Variants in C6orf89 observed in about 807,000 individuals in gnomAD.
C6orf89 encodes the protein chromosome 6 open reading frame 89.
C6orf89 carries 29 observed loss-of-function variants against 40.7 expected under a neutral mutation model. That is an observed-to-expected ratio of 0.71 (90% CI 0.53 to 0.97). The LOEUF (loss-of-function observed/expected upper bound fraction) is 0.97. Among genes scored for constraint, C6orf89 ranks in the 50% least tolerant of loss-of-function variants. The pLI, the probability that C6orf89 is intolerant of heterozygous loss-of-function variation, is 0.00. For missense variants in C6orf89, 392 were observed against 429.1 expected, an observed-to-expected ratio of 0.91 and a Z score of 0.76; for synonymous variants, 165 against 152.2, an observed-to-expected ratio of 1.08 and a Z score of -0.62.
At chr6:36,875,543 G>C (rs1049564865) in intron 1 of C6orf89, among the ~76,000 whole-genome samples, 1 of 152,274 alleles carries the variant, frequency 6.6e-6, no homozygotes, top group African/African-American at 2.4e-5. Flanking sequence ...TGTTAGGAGG[G>C]TTTGCGCAGG....
intron 4 of C6orf89, among the ~76,000 whole-genome samples, chr6:36,909,782 C>CAA (rs34739520): frequency 4.4e-5 from 4 of 91,086 alleles, no homozygotes; most frequent in South Asian, 3.4e-4. Context: ...GAGCCTGTCT[C>CAA]AAAAAAAAAA....
In C6orf89 at chr6:36,910,659, T is replaced by A. The variant is rs1422673094; in HGVS notation, c.404-3625T>A. Among the ~76,000 whole-genome samples, 3 of 150,772 alleles carry A rather than the reference T, an allele frequency of 2.0e-5. No homozygotes were observed. In the South Asian group the frequency reaches 6.3e-4, roughly 32 times the overall value. On this transcript the variant is annotated intron_variant, in intron 4 of 8. Coordinates refer to ENST00000480824, the MANE Select transcript of C6orf89 (RefSeq NM_001286635.2). The stretch of plus-strand genomic sequence containing the variant: ...GGGAGGATGACTTGAGCCTGGAAGG[T>A]CAAGGCGACAGTGAGCTGAGATGTG...
chr6:36,923,300 C>G, intron 8 of C6orf89, 47 bp from the exon 9 acceptor site: 2 of 1,482,340 alleles, frequency 1.3e-6, no homozygotes. Flanking sequence ...ACAGGTGTGC[C>G]CACCCTCTGA....
intron 2 of C6orf89, among the ~76,000 whole-genome samples, chr6:36,895,709 C>G (rs1761399024): frequency 1.3e-5 from 2 of 152,180 alleles, no homozygotes; most frequent in Admixed American, 1.3e-4. Flanking sequence ...AGTGATTTTG[C>G]ATTATATGGC....
At chr6:36,912,446 T>C (rs1261752351) in intron 4 of C6orf89, among the ~76,000 whole-genome samples, 2 of 152,364 alleles carry the variant, frequency 1.3e-5, no homozygotes, top group South Asian at 2.1e-4. Context: ...CATGTTGTTA[T>C]GATTATGCCC....
intron 1 of C6orf89, among the ~76,000 whole-genome samples, chr6:36,889,407 C>G (rs1583150255): frequency 6.6e-6 from 1 of 152,070 alleles, no homozygotes; most frequent in Admixed American, 6.6e-5. Context: ...CCCAAAGGAG[C>G]TTTCCTCTGA....
chr6:36,910,539 G>A (rs1762088148), intron 4 of C6orf89, among the ~76,000 whole-genome samples: 1 of 152,090 alleles, frequency 6.6e-6, no homozygotes, highest in African/African-American at 2.4e-5. Flanking sequence ...ACCAGCCTGA[G>A]CAACATGATG....
intron 6 of C6orf89, 116 bp from the exon 7 acceptor site, chr6:36,916,329 A>T: frequency 1.7e-6 from 2 of 1,179,138 alleles, no homozygotes; most frequent in Non-Finnish European, 2.4e-6. Context: ...TACTGTACTC[A>T]TATTTTTCCC....
intron 7 of C6orf89, among the ~76,000 whole-genome samples, chr6:36,918,397 A>G (rs1031208378): frequency 6.6e-6 from 1 of 152,210 alleles, no homozygotes; most frequent in Non-Finnish European, 1.5e-5. Flanking sequence ...TTCTGCCAAT[A>G]TTAGTACCAG....
intron 1 of C6orf89, among the ~76,000 whole-genome samples, chr6:36,876,483 C>T (rs1031224373): frequency 3.3e-5 from 5 of 151,988 alleles, no homozygotes; most frequent in Admixed American, 1.3e-4. Flanking sequence ...CTGGCACTTT[C>T]GGAGGCCGAG....
rs1183196129 is a variant in C6orf89 at position 36,923,411 on chromosome 6, C to G, written c.1014C>G (p.Ile338Met). The G allele has an allele frequency of 2.5e-6, 4 of 1,614,040 alleles. No individual in the cohort carries two copies. In the Admixed American group the frequency reaches 5.0e-5, roughly 20 times the overall value. ...CCAGAGGGGTCCAGCCTTTGGTCAT[C>G]TGCGATGGAACCGCTTTCTCAGAAC... is the stretch of plus-strand genomic sequence containing the variant. ...VIARGVQPLVICDGTAFSEL is the reference protein window; with the variant it reads ...VIARGVQPLVMCDGTAFSEL Residue 338 changes from isoleucine to methionine, a missense_variant, in exon 9 of 9, where the codon ATC becomes ATG. By Grantham distance (10) the Ile-to-Met change is conservative (BLOSUM62 1). Transcript: ENST00000480824.
At chr6:36,891,791 T>C (rs1761218283) in intron 1 of C6orf89, among the ~76,000 whole-genome samples, 1 of 152,234 alleles carries the variant, frequency 6.6e-6, no homozygotes, top group East Asian at 1.9e-4. Context: ...TGTATCTTGA[T>C]GGACTTTTGA....
At chr6:36,913,317 C>G (rs1410398329) in intron 4 of C6orf89, among the ~76,000 whole-genome samples, 14 of 152,134 alleles carry the variant, frequency 9.2e-5, no homozygotes, top group Non-Finnish European at 2.1e-4. Flanking sequence ...GGCTGGCGGC[C>G]CCACCCCCTC....
At position 36,906,982 on chromosome 6, in the gene C6orf89, A is replaced by G. The variant is rs527267993; in HGVS notation, c.403+4548A>G. ...GATTGCTCATTTGATTTTTCTCCCC[A>G]TGGACTTAATTCTATTGTTAAAGCT... On this transcript the variant is annotated intron_variant, in intron 4 of 8. Coordinates refer to ENST00000480824, the MANE Select transcript of C6orf89 (RefSeq NM_001286635.2). 3.9e-5 allele frequency among the ~76,000 whole-genome samples: 6 copies of G among 152,248 alleles called. No individual in the cohort carries two copies. The South Asian group carries it at 1.2e-3, about 32-fold the overall frequency.
intron 1 of C6orf89, among the ~76,000 whole-genome samples, chr6:36,893,651 G>T (rs944784204): frequency 1.3e-5 from 2 of 152,164 alleles, no homozygotes; most frequent in African/African-American, 2.4e-5. Flanking sequence ...AGGCTTACAG[G>T]CCAGGCGCGG....
At chr6:36,912,695 A>G (rs7743836) in intron 4 of C6orf89, among the ~76,000 whole-genome samples, 37,872 of 152,048 alleles carry the variant, frequency 0.25, 5,013 homozygotes, top group East Asian at 0.32. Context: ...TCTTCCTGCG[A>G]GTTGAGACTG....
intron 1 of C6orf89, among the ~76,000 whole-genome samples, chr6:36,886,809 G>A (rs1473255302): frequency 6.6e-6 from 1 of 152,040 alleles, no homozygotes; most frequent in Non-Finnish European, 1.5e-5. Context: ...TAATAAATTC[G>A]TTCATTTGAA....
intron 3 of C6orf89, among the ~76,000 whole-genome samples, chr6:36,901,314 TATTA>T (rs1561865422): frequency 4.5e-5 from 3 of 67,186 alleles, no homozygotes; most frequent in African/African-American, 1.4e-4. Flanking sequence ...TTATTATTAT[TATTA>T]TTATTTTTTT....
At chr6:36,918,867 T>C (rs1366296017) in intron 7 of C6orf89, among the ~76,000 whole-genome samples, 1 of 152,218 alleles carries the variant, frequency 6.6e-6, no homozygotes. Context: ...GGCAGTATCA[T>C]GCCCTCAGAG....
Sources: allele counts gnomAD v4.1 joint callset (sites outside exome capture counted in the v4.1 genomes callset), GRCh38; gene constraint gnomAD v4.1.1; transcripts MANE v1.5; gene names NCBI Gene and HGNC (gene_info 2026-07-23, HGNC 2026-07-21).